The following ANKRD6 variants were observed in gnomAD, a reference collection of about 807,000 sequenced individuals.
The protein encoded by ANKRD6 is ankyrin repeat domain-containing protein 6.
In ANKRD6, 56 loss-of-function variants were observed where a neutral mutation model predicts 82.3. The ratio of observed to expected loss-of-function variants is 0.68; its 90% CI spans 0.55 to 0.85. The LOEUF (loss-of-function observed/expected upper bound fraction) is 0.85, where lower values mean the gene tolerates loss of function less well. Among genes scored for constraint, ANKRD6 ranks in the 40% least tolerant of loss-of-function variants. The pLI, the probability that ANKRD6 is intolerant of heterozygous loss-of-function variation, is 0.00. For missense variants in ANKRD6, 852 were observed against 907.6 expected, an observed-to-expected ratio of 0.94 and a Z score of 0.79; for synonymous variants, 347 against 352.1, an observed-to-expected ratio of 0.99 and a Z score of 0.16.
chr6:89,499,677 A>G (rs1779045643), intron 1 of ANKRD6, among the ~76,000 whole-genome samples: 1 of 152,062 alleles, frequency 6.6e-6, no homozygotes, highest in East Asian at 1.9e-4. Flanking sequence ...TTCATAATGC[A>G]TGGTAAGAAA....
chr6:89,605,449 G>A (rs991168954), intron 4 of ANKRD6, among the ~76,000 whole-genome samples: 2 of 152,212 alleles, frequency 1.3e-5, no homozygotes, highest in African/African-American at 4.8e-5. Flanking sequence ...CTCAGTCCCT[G>A]TTCATTATTT....
intron 1 of ANKRD6, among the ~76,000 whole-genome samples, chr6:89,442,664 A>AATC (rs1188810833): frequency 2.0e-5 from 3 of 151,060 alleles, no homozygotes; most frequent in Non-Finnish European, 2.9e-5. Context: ...AAAAGACAGC[A>AATC]ATCATTATCT....
rs79061338 is a variant in ANKRD6, at chr6:89,615,534, C to A, written c.616-1025C>A. The stretch of plus-strand genomic sequence containing the variant: ...TGGTAGACCAATGAATTCAGCATCT[C>A]TGAGAGTGGGACCCAGGCATCATCA... On this transcript the variant is annotated intron_variant, in intron 7 of 15. Transcript: ENST00000339746. 2.6e-5 allele frequency among the ~76,000 whole-genome samples: 4 copies of A among 152,316 alleles called. No individual in the cohort carries two copies. In the East Asian group the frequency reaches 7.7e-4, roughly 29 times the overall value.
In ANKRD6 at chr6:89,433,676, G is replaced by A. The variant is rs933743777; in HGVS notation, c.-144+301G>A. On this transcript the variant is annotated intron_variant, in intron 1 of 15. Transcript: ENST00000339746. The surrounding 1 kb of genome is among the most constrained non-coding windows in gnomAD (Gnocchi z 4.3). ...AACTTTCTTCTGGGGCTCGTCCCTC[G>A]TTCTCCTGCTCGCTTGCAGTTTGAA... Among the ~76,000 whole-genome samples the A allele has an allele frequency of 6.6e-6, 1 of 152,162 alleles. No homozygotes were observed. The highest frequency in any genetic ancestry group is 2.4e-5 in the African/African-American group (1 of 41,450).
chr6:89,569,813 T>C (rs1789382666), intron 2 of ANKRD6, among the ~76,000 whole-genome samples: 2 of 152,238 alleles, frequency 1.3e-5, no homozygotes, highest in Admixed American at 1.3e-4. Flanking sequence ...AAGATTCCCA[T>C]TGGAATTTTA....
At chr6:89,516,696 C>G (rs556881230) in intron 1 of ANKRD6, among the ~76,000 whole-genome samples, 3 of 152,292 alleles carry the variant, frequency 2.0e-5, no homozygotes, top group African/African-American at 7.2e-5. Context: ...AGGCTGGTCT[C>G]AAACTCCTGG....
chr6:89,459,228 G>A (rs1773845106), intron 1 of ANKRD6, among the ~76,000 whole-genome samples: 2 of 152,234 alleles, frequency 1.3e-5, no homozygotes, highest in African/African-American at 2.4e-5. Context: ...ACAGGCATGT[G>A]CCACCACACT....
intron 1 of ANKRD6, among the ~76,000 whole-genome samples, chr6:89,480,787 T>G (rs981545726): frequency 4.9e-5 from 7 of 143,768 alleles, no homozygotes; most frequent in Admixed American, 4.1e-4. Context: ...TTTTTTTTTG[T>G]TTTTTTTTGC....
chr6:89,501,351 TG>T (rs1431373280), intron 1 of ANKRD6, among the ~76,000 whole-genome samples: 1 of 152,252 alleles, frequency 6.6e-6, no homozygotes, highest in African/African-American at 2.4e-5. Context: ...AAGTTGAGCT[TG>T]GAGTCAGTGG....
intron 1 of ANKRD6, among the ~76,000 whole-genome samples, chr6:89,468,221 A>T (rs191707582): frequency 1.3e-4 from 20 of 152,302 alleles, no homozygotes; most frequent in Non-Finnish European, 2.5e-4. Flanking sequence ...ATAAATGATA[A>T]TGAGGCTATT....
rs558569903 is a variant in ANKRD6, at chr6:89,515,328, A to G, written c.-143-51506A>G. 1.5e-3 allele frequency among the ~76,000 whole-genome samples: 226 copies of G among 152,206 alleles called. 1 individual carries two copies. The highest frequency in any genetic ancestry group is 2.2e-3 in the Non-Finnish European group (153 of 68,042). ...TGCTTGCAAATCAGCAAATGCCACAAAGGAAAACATGTCCTCAAACATTTG... is the reference window on the plus strand; with the variant it reads ...TGCTTGCAAATCAGCAAATGCCACAGAGGAAAACATGTCCTCAAACATTTG... On this transcript the variant is annotated intron_variant, in intron 1 of 15. Coordinates refer to ENST00000339746, the MANE Select transcript of ANKRD6 (RefSeq NM_001242809.2).
chr6:89,578,286 C>CTTTTTTT (rs71024383), intron 2 of ANKRD6, among the ~76,000 whole-genome samples: 1 of 119,098 alleles, frequency 8.4e-6, no homozygotes, highest in African/African-American at 3.3e-5. Flanking sequence ...CTCCCGCCTC[C>CTTTTTTT]TTTTTTTTTT....
At position 89,631,931 on chromosome 6, in the gene ANKRD6, A is replaced by G. The variant is rs1016084228; in HGVS notation, c.*927A>G. 3 of 152,240 alleles carry G rather than the reference A, an allele frequency of 2.0e-5. No individual in the cohort carries two copies. The highest frequency in any genetic ancestry group is 4.4e-5 in the Non-Finnish European group (3 of 68,038). The allele number at this position is 152,240 out of a possible 1,614,324, so 9.4% of individuals were successfully genotyped here. ...CTGTCATTAACCTCAAAAGCTTTCT[A>G]CTGCTTTGCGGTGAAGGCAAAATAT... On this transcript the variant is annotated 3_prime_UTR_variant, in exon 16 of 16. Coordinates refer to ENST00000339746, the MANE Select transcript of ANKRD6 (RefSeq NM_001242809.2).
chr6:89,574,299 T>C (rs1790613771), intron 2 of ANKRD6, among the ~76,000 whole-genome samples: 1 of 136,648 alleles, frequency 7.3e-6, no homozygotes, highest in Non-Finnish European at 1.6e-5. Flanking sequence ...AGTACTTCCT[T>C]TCCTTGGATT....
chr6:89,623,237 CTA>C (rs1804303013), intron 10 of ANKRD6, among the ~76,000 whole-genome samples, 171 bp from the exon 11 acceptor site: 1 of 152,078 alleles, frequency 6.6e-6, no homozygotes, highest in South Asian at 2.1e-4. Context: ...GGAAAACGTT[CTA>C]TGTTAGTTAA....
chr6:89,557,907 C>T (rs1461056147), intron 1 of ANKRD6, among the ~76,000 whole-genome samples: 1 of 151,824 alleles, frequency 6.6e-6, no homozygotes, highest in Non-Finnish European at 1.5e-5. Flanking sequence ...CCTGTCACCC[C>T]CATATGGAAC....
chr6:89,563,105 T>C (rs576915086), intron 1 of ANKRD6, among the ~76,000 whole-genome samples: 1 of 152,230 alleles, frequency 6.6e-6, no homozygotes, highest in Admixed American at 6.5e-5. Context: ...CTTTAGGATA[T>C]TGGCAAATTC....
intron 1 of ANKRD6, among the ~76,000 whole-genome samples, chr6:89,499,277 T>C (rs1336843809): frequency 2.6e-5 from 4 of 152,160 alleles, no homozygotes; most frequent in Admixed American, 2.6e-4. Context: ...TGGTAAACTG[T>C]CACCAACTGT....
At chr6:89,457,660 T>A (rs1001522381) in intron 1 of ANKRD6, among the ~76,000 whole-genome samples, 1 of 152,206 alleles carries the variant, frequency 6.6e-6, no homozygotes, top group Non-Finnish European at 1.5e-5. Context: ...TGGCGGATCA[T>A]GAACTCTAAA....
Sources: gnomAD v4.1 joint callset for allele counts (sites outside exome capture counted in the v4.1 genomes callset) on GRCh38, gnomAD v4.1.1 for gene constraint, Gnocchi (gnomAD v3.1) non-coding constraint, MANE v1.5 for transcripts, NCBI Gene and HGNC (gene_info 2026-07-23, HGNC 2026-07-21) for gene names.